Variants in SLC25A21 observed in about 807,000 individuals in gnomAD.
The protein encoded by SLC25A21 is solute carrier family 25 member 21, also known as mitochondrial 2-oxodicarboxylate carrier.
Under a neutral mutation model 43.8 loss-of-function variants are expected in SLC25A21, and 47 were observed. The observed-to-expected ratio is 1.07, with a 90% confidence interval of 0.85 to 1.37. SLC25A21 has a LOEUF of 1.37. Among genes scored for constraint, SLC25A21 ranks in the 40% most tolerant of loss-of-function variants. SLC25A21 has a pLI of 0.00. For missense variants in SLC25A21, 352 were observed against 350.2 expected, an observed-to-expected ratio of 1.00 and a Z score of -0.04; for synonymous variants, 131 against 121.3, an observed-to-expected ratio of 1.08 and a Z score of -0.52.
At chr14:36,973,994 T>C (rs986770440) in intron 1 of SLC25A21, among the ~76,000 whole-genome samples, 32 of 152,212 alleles carry the variant, frequency 2.1e-4, no homozygotes, top group African/African-American at 7.7e-4. Context: ...ACAGCTCTAT[T>C]TATTTTAGTG....
intron 1 of SLC25A21, among the ~76,000 whole-genome samples, chr14:37,056,533 G>T (rs1434997647): frequency 6.6e-6 from 1 of 151,216 alleles, no homozygotes; most frequent in Admixed American, 6.6e-5. Context: ...TGTCTTTAGA[G>T]CCAGCATAAG....
chr14:37,003,947 C>T (rs536577236), intron 1 of SLC25A21, among the ~76,000 whole-genome samples: 1 of 152,156 alleles, frequency 6.6e-6, no homozygotes, highest in South Asian at 2.1e-4. Flanking sequence ...TGCCTAACAC[C>T]CAAGGCATGG....
At chr14:37,068,628 G>GA (rs1156719024) in intron 1 of SLC25A21, among the ~76,000 whole-genome samples, 1 of 152,072 alleles carries the variant, frequency 6.6e-6, no homozygotes, top group Non-Finnish European at 1.5e-5. Context: ...CACTTGTCTG[G>GA]AAAAACATTG....
intron 3 of SLC25A21, among the ~76,000 whole-genome samples, chr14:36,778,747 C>A (rs761620332): frequency 1.3e-5 from 2 of 152,140 alleles, no homozygotes; most frequent in Non-Finnish European, 2.9e-5. Context: ...TGATTTGATA[C>A]AGGTATATAT....
chr14:36,997,184 G>T (rs1335264633), intron 1 of SLC25A21, among the ~76,000 whole-genome samples: 1 of 152,152 alleles, frequency 6.6e-6, no homozygotes, highest in African/African-American at 2.4e-5. Flanking sequence ...TACAAAAATT[G>T]AAAACAGGGT....
intron 4 of SLC25A21, among the ~76,000 whole-genome samples, chr14:36,730,447 C>T (rs1011228761): frequency 1.3e-5 from 2 of 152,038 alleles, no homozygotes; most frequent in African/African-American, 4.8e-5. Context: ...TTCTCGAGAC[C>T]CCAAAAATGT....
chr14:37,080,438 C>CA (rs1280350038), intron 1 of SLC25A21, among the ~76,000 whole-genome samples: 1 of 151,926 alleles, frequency 6.6e-6, no homozygotes, highest in Non-Finnish European at 1.5e-5. Context: ...ACAAAAAGTA[C>CA]AAAAAAACCA....
At chr14:37,085,967 T>G (rs933883630) in intron 1 of SLC25A21, among the ~76,000 whole-genome samples, 11 of 151,974 alleles carry the variant, frequency 7.2e-5, no homozygotes, top group African/African-American at 2.7e-4. Flanking sequence ...TAGCCGGGCG[T>G]GGTGGCGGGC....
At chr14:37,028,553 C>A (rs1961141083) in intron 1 of SLC25A21, among the ~76,000 whole-genome samples, 2 of 152,144 alleles carry the variant, frequency 1.3e-5, no homozygotes, top group Admixed American at 1.3e-4. Flanking sequence ...TGATGCAAGA[C>A]AGTGAATTCC....
intron 1 of SLC25A21, among the ~76,000 whole-genome samples, chr14:37,022,441 GA>G (rs1961006974): frequency 6.6e-6 from 1 of 151,948 alleles, no homozygotes. Context: ...AATTGTTTCT[GA>G]AAGTCAATTC....
intron 1 of SLC25A21, among the ~76,000 whole-genome samples, chr14:37,009,489 A>T (rs1462485294): frequency 6.6e-6 from 1 of 151,496 alleles, no homozygotes; most frequent in Non-Finnish European, 1.5e-5. Context: ...TCATCTCAAG[A>T]AAAAAAAAGA....
chr14:36,940,344 TA>T (rs1229987212), intron 1 of SLC25A21, among the ~76,000 whole-genome samples: 1 of 152,014 alleles, frequency 6.6e-6, no homozygotes, highest in African/African-American at 2.4e-5. Context: ...CTCTAAGATT[TA>T]AAAAAATATA....
At chr14:36,987,724 T>C (rs1960176471) in intron 1 of SLC25A21, among the ~76,000 whole-genome samples, 1 of 152,212 alleles carries the variant, frequency 6.6e-6, no homozygotes, top group East Asian at 1.9e-4. Flanking sequence ...TTATACATAA[T>C]GTTCTAAAGG....
At chr14:36,996,410 GA>G (rs1384050462) in intron 1 of SLC25A21, among the ~76,000 whole-genome samples, 34 of 152,280 alleles carry the variant, frequency 2.2e-4, no homozygotes, top group African/African-American at 6.7e-4. Context: ...TCTGGAGCCA[GA>G]CGACCAGGTT....
chr14:37,114,769 C>T (rs1566891644), intron 1 of SLC25A21, among the ~76,000 whole-genome samples: 2 of 150,738 alleles, frequency 1.3e-5, no homozygotes, highest in African/African-American at 5.0e-5. Flanking sequence ...ACCAGTGGTG[C>T]AGAGAGTCAT....
chr14:37,098,924 TC>T (rs1962762629), intron 1 of SLC25A21, among the ~76,000 whole-genome samples: 1 of 151,688 alleles, frequency 6.6e-6, no homozygotes, highest in African/African-American at 2.4e-5. Context: ...TGACTCAGCC[TC>T]TCGAGTAGCT....
chr14:37,002,362 C>T (rs1380948711), intron 1 of SLC25A21, among the ~76,000 whole-genome samples: 1 of 152,112 alleles, frequency 6.6e-6, no homozygotes, highest in African/African-American at 2.4e-5. Context: ...TTCATCTCAG[C>T]CATTTTAATG....
chr14:37,120,177 G>A (rs552613220), intron 1 of SLC25A21, among the ~76,000 whole-genome samples: 12 of 152,162 alleles, frequency 7.9e-5, no homozygotes, highest in African/African-American at 2.9e-4. Flanking sequence ...ATCAGGCTCA[G>A]GAGAAGATTT....
At chr14:36,859,779 A>G (rs1353777393) in intron 2 of SLC25A21, among the ~76,000 whole-genome samples, 1 of 152,200 alleles carries the variant, frequency 6.6e-6, no homozygotes, top group South Asian at 2.1e-4. Context: ...GAAATATAAG[A>G]AAAAAATCTG....
Sources: gnomAD v4.1 joint callset for allele counts (sites outside exome capture counted in the v4.1 genomes callset) on GRCh38, gnomAD v4.1.1 for gene constraint, MANE v1.5 for transcripts, NCBI Gene and HGNC (gene_info 2026-07-23, HGNC 2026-07-21) for gene names.